Variants in PLCL2 observed in about 807,000 individuals in gnomAD.
The protein encoded by PLCL2 is inactive phospholipase C-like protein 2.
In PLCL2, 4 loss-of-function variants were observed where a neutral mutation model predicts 79.6. That is an observed-to-expected ratio of 0.05 (90% CI 0.02 to 0.11). The LOEUF (loss-of-function observed/expected upper bound fraction) is 0.11, where lower values mean the gene tolerates loss of function less well. Among genes scored for constraint, PLCL2 ranks in the 10% least tolerant of loss-of-function variants. The pLI, the probability that PLCL2 is intolerant of heterozygous loss-of-function variation, is 1.00. For missense variants in PLCL2, 895 were observed against 1,291.0 expected, an observed-to-expected ratio of 0.69 and a Z score of 4.70; for synonymous variants, 484 against 457.7, an observed-to-expected ratio of 1.06 and a Z score of -0.73.
intron 1 of PLCL2, among the ~76,000 whole-genome samples, chr3:16,953,781 A>T (rs80227274): frequency 0.014 from 2,152 of 152,210 alleles, 57 homozygotes; most frequent in African/African-American, 0.049. Flanking sequence ...TTTTAATCAA[A>T]CATAATAGAA....
At chr3:17,051,026 G>A (rs1460800769) in intron 4 of PLCL2, among the ~76,000 whole-genome samples, 1 of 152,108 alleles carries the variant, frequency 6.6e-6, no homozygotes, top group Non-Finnish European at 1.5e-5. Flanking sequence ...TATGTTAAGT[G>A]GAATAAGCCA....
chr3:16,949,274 G>A (rs2063629185), intron 1 of PLCL2, among the ~76,000 whole-genome samples: 2 of 151,636 alleles, frequency 1.3e-5, no homozygotes, highest in Non-Finnish European at 2.9e-5. Flanking sequence ...TCTCACAGGT[G>A]CCACTGCGCT....
chr3:16,983,102 G>A (rs78657844), intron 1 of PLCL2, among the ~76,000 whole-genome samples: 3,451 of 152,284 alleles, frequency 0.023, 50 homozygotes, highest in Admixed American at 0.034. Context: ...ATCCCACTAG[G>A]TCTAATTTCT....
At chr3:17,047,632 G>C (rs78403145) in intron 4 of PLCL2, among the ~76,000 whole-genome samples, 6,409 of 152,216 alleles carry the variant, frequency 0.042, 202 homozygotes, top group Middle Eastern at 0.085. Flanking sequence ...ATTTTCAGTG[G>C]ATCTTATCCA....
intron 1 of PLCL2, among the ~76,000 whole-genome samples, chr3:16,975,279 T>G (rs1332163911): frequency 6.6e-6 from 1 of 152,150 alleles, no homozygotes; most frequent in Non-Finnish European, 1.5e-5. Context: ...CCTTTCCAAG[T>G]AATAAGGGAG....
chr3:17,076,056 T>C (rs1391692206), intron 5 of PLCL2, among the ~76,000 whole-genome samples: 1 of 152,200 alleles, frequency 6.6e-6, no homozygotes, highest in Non-Finnish European at 1.5e-5. Flanking sequence ...CTGGGTCACA[T>C]GGCAAATGTG....
At chr3:17,051,735 T>C (rs2064841079) in intron 4 of PLCL2, among the ~76,000 whole-genome samples, 1 of 152,188 alleles carries the variant, frequency 6.6e-6, no homozygotes, top group Admixed American at 6.6e-5. Flanking sequence ...TGCCAGTCTT[T>C]TGGTTGTACA....
At chr3:17,075,011 CA>C (rs2065096103) in intron 5 of PLCL2, among the ~76,000 whole-genome samples, 1 of 152,200 alleles carries the variant, frequency 6.6e-6, no homozygotes, top group Non-Finnish European at 1.5e-5. Flanking sequence ...ATTTCCTTCA[CA>C]AACTTTTCCT....
chr3:16,935,693 C>T (rs562603826), intron 1 of PLCL2, among the ~76,000 whole-genome samples: 1 of 152,074 alleles, frequency 6.6e-6, no homozygotes, highest in African/African-American at 2.4e-5. Flanking sequence ...ATTGGAATTT[C>T]TGGGACATTT....
chr3:16,932,876 T>G (rs1489126645), intron 1 of PLCL2, among the ~76,000 whole-genome samples: 1 of 152,196 alleles, frequency 6.6e-6, no homozygotes, highest in African/African-American at 2.4e-5. Flanking sequence ...AAAGGAGAAG[T>G]CTGTTGGAGA....
intron 5 of PLCL2, among the ~76,000 whole-genome samples, chr3:17,083,768 T>C (rs536852928): frequency 3.7e-4 from 57 of 152,308 alleles, no homozygotes; most frequent in African/African-American, 1.3e-3. Context: ...GAATGAATAA[T>C]GACACCAGGG....
At chr3:16,915,713 A>G (rs1322308183) in intron 1 of PLCL2, among the ~76,000 whole-genome samples, 1 of 152,164 alleles carries the variant, frequency 6.6e-6, no homozygotes, top group African/African-American at 2.4e-5. Context: ...CAACTGAACT[A>G]TGGGAAACTT....
At chr3:16,908,156 CTT>C (rs1241855623) in intron 1 of PLCL2, among the ~76,000 whole-genome samples, 1 of 152,058 alleles carries the variant, frequency 6.6e-6, no homozygotes, top group Non-Finnish European at 1.5e-5. Context: ...ATGATAAACT[CTT>C]ATATACCCAT....
At chr3:17,061,540 C>A (rs1050885837) in intron 4 of PLCL2, among the ~76,000 whole-genome samples, 7 of 151,392 alleles carry the variant, frequency 4.6e-5, no homozygotes, top group African/African-American at 1.2e-4. Flanking sequence ...AGCTTTTAAG[C>A]CCTTCAGGAA....
rs1016051394 is a variant in PLCL2 at position 16,886,564 on chromosome 3, A to G, written c.327+1198A>G. Reference sequence around the variant, plus strand: ...TACTCTATGTAAGAGGCAATTGTGAAACTGCATTTCCCTTTGTCATCTGTT... The same window carrying G: ...TACTCTATGTAAGAGGCAATTGTGAGACTGCATTTCCCTTTGTCATCTGTT... On this transcript the variant is annotated intron_variant, in intron 1 of 5. Transcript: ENST00000615277. This position sits in a 1 kb window ranked among gnomAD's most constrained non-coding sequence, Gnocchi z 4.2. 6.6e-6 allele frequency among the ~76,000 whole-genome samples: 1 copy of G among 152,220 alleles called. No individual in the cohort carries two copies. Among genetic ancestry groups the G allele is most frequent in the African/African-American group, 2.4e-5 (1 of 41,460 alleles).
chr3:16,963,267 G>T lies in PLCL2; in HGVS notation c.328-46407G>T, dbSNP rs140704223. On this transcript the variant is annotated intron_variant, in intron 1 of 5. Transcript: ENST00000615277. ...AGATTAATTACATGAATTTAAAATGGATCACACATCTACATATATATATAC... is the reference window on the plus strand; with the variant it reads ...AGATTAATTACATGAATTTAAAATGTATCACACATCTACATATATATATAC... Among the ~76,000 whole-genome samples, 214 of 151,994 alleles carry T rather than the reference G, an allele frequency of 1.4e-3. 1 individual carries two copies. Among genetic ancestry groups the T allele is most frequent in the African/African-American group, 4.9e-3 (202 of 41,482 alleles).
chr3:16,985,692 CTG>C (rs1276629496), intron 1 of PLCL2, among the ~76,000 whole-genome samples: 1 of 152,164 alleles, frequency 6.6e-6, no homozygotes, highest in Non-Finnish European at 1.5e-5. Context: ...GAAGTGAAAA[CTG>C]TGCAGTTCCT....
At chr3:16,933,290 T>C (rs1436392402) in intron 1 of PLCL2, 1 of 154,734 alleles carries the variant, frequency 6.5e-6, no homozygotes, top group Non-Finnish European at 1.5e-5. Context: ...GCACTGGAAA[T>C]TGTAAGGTGT....
chr3:16,990,788 G>A (rs1409236001), intron 1 of PLCL2, among the ~76,000 whole-genome samples: 1 of 152,200 alleles, frequency 6.6e-6, no homozygotes, highest in Non-Finnish European at 1.5e-5. Context: ...CACAGTTTGA[G>A]CATTGAGTCA....
Sources: allele counts gnomAD v4.1 joint callset (sites outside exome capture counted in the v4.1 genomes callset), GRCh38; gene constraint gnomAD v4.1.1; non-coding constraint Gnocchi (gnomAD v3.1); transcripts MANE v1.5; gene names NCBI Gene and HGNC (gene_info 2026-07-23, HGNC 2026-07-21).